Variants in DOCK1 observed in about 807,000 individuals in gnomAD.
DOCK1 encodes dedicator of cytokinesis protein 1.
Under a neutral mutation model 262.7 loss-of-function variants are expected in DOCK1, and 138 were observed. That is an observed-to-expected ratio of 0.53 (90% confidence interval 0.46 to 0.61). The LOEUF is 0.61. DOCK1 is among the 20% of genes least tolerant of loss of function. The pLI is 0.00. For synonymous variants in DOCK1, 866 were observed against 867.4 expected (o/e 1.00, Z 0.03); for missense variants, 1,908 against 2,370.7 (o/e 0.80, Z 4.05).
chr10:127,346,526 G>A (rs2063640837), intron 31 of DOCK1, among the ~76,000 whole-genome samples: 1 of 152,142 alleles, frequency 6.6e-6, no homozygotes, highest in South Asian at 2.1e-4. Flanking sequence ...AGCCCAGGGG[G>A]TCGGGGCTGC....
rs1162618889 is a variant in DOCK1, at chr10:127,415,639, A to G, written c.4515+401A>G. 6.6e-5 allele frequency among the ~76,000 whole-genome samples: 10 copies of G among 152,344 alleles called. No individual in the cohort carries two copies. In the South Asian group the frequency reaches 1.9e-3, roughly 28 times the overall value. ...GGTTTTATTGCCATTTACATGACAA[A>G]CAACTATTAATTAATAGTCCTTGCC... is the stretch of plus-strand genomic sequence containing the variant. On this transcript the variant is annotated intron_variant, in intron 44 of 51. Transcript: ENST00000623213.
chr10:126,917,354 C>T (rs1231329904), intron 1 of DOCK1, among the ~76,000 whole-genome samples: 1 of 152,184 alleles, frequency 6.6e-6, no homozygotes, highest in African/African-American at 2.4e-5. Flanking sequence ...TTTCACAGCT[C>T]AACCAACATA....
In DOCK1 at chr10:127,023,307, G is replaced by A; in HGVS notation, c.1435G>A (p.Asp479Asn). 1 of 1,613,006 alleles carries A rather than the reference G, an allele frequency of 6.2e-7. No individual in the cohort carries two copies. The highest frequency in any genetic ancestry group is 8.5e-7 in the Non-Finnish European group (1 of 1,179,626). Residue 479 changes from aspartate to asparagine, a missense_variant, in exon 14 of 52, where the codon GAT (aspartate) becomes AAT (asparagine). Coordinates refer to ENST00000623213, the MANE Select transcript of DOCK1 (RefSeq NM_001290223.2). ...GGTCACGGTGTCTGTGTACGATGAG[G>A]ATGGGAAACGATTAGAGGTATTTAT... ...VEVTVSVYDE[D>N]GKRLEHVIFP...
intron 27 of DOCK1, among the ~76,000 whole-genome samples, chr10:127,214,705 T>C (rs950375685): frequency 1.3e-5 from 2 of 151,766 alleles, no homozygotes; most frequent in African/African-American, 4.8e-5. Flanking sequence ...CACCCCGGGG[T>C]AGGATTGCCA....
intron 1 of DOCK1, among the ~76,000 whole-genome samples, chr10:126,941,626 G>C (rs1309489779): frequency 1.3e-5 from 2 of 152,032 alleles, no homozygotes; most frequent in Non-Finnish European, 2.9e-5. Context: ...CGTGGTGGCG[G>C]GTGCCTGTAG....
chr10:127,122,839 C>T (rs988394370), intron 25 of DOCK1, among the ~76,000 whole-genome samples: 1 of 152,082 alleles, frequency 6.6e-6, no homozygotes, highest in Admixed American at 6.5e-5. Flanking sequence ...ATCCTCCAGC[C>T]AAAGATGAAC....
intron 2 of DOCK1, among the ~76,000 whole-genome samples, chr10:126,976,361 G>C (rs1052816968): frequency 6.6e-6 from 1 of 152,128 alleles, no homozygotes; most frequent in Non-Finnish European, 1.5e-5. Flanking sequence ...ATCATAACTG[G>C]GTCTTAGCAA....
chr10:127,230,547 A>T (rs929087764), intron 27 of DOCK1, among the ~76,000 whole-genome samples: 3 of 151,990 alleles, frequency 2.0e-5, no homozygotes, highest in African/African-American at 7.3e-5. Context: ...TGTTTTTGGC[A>T]TCTTTGTTGA....
chr10:127,206,422 G>A (rs1589942873), intron 27 of DOCK1, among the ~76,000 whole-genome samples: 1 of 152,106 alleles, frequency 6.6e-6, no homozygotes, highest in East Asian at 1.9e-4. Flanking sequence ...GGGATTAAAG[G>A]CGTGAGCCAC....
At chr10:127,386,225 G>C (rs146286802) in intron 38 of DOCK1, among the ~76,000 whole-genome samples, 2,479 of 152,260 alleles carry the variant, frequency 0.016, 34 homozygotes, top group South Asian at 0.058. Context: ...GAGAAAGTCT[G>C]ACGTTTTCAG....
chr10:127,296,172 C>T (rs1318457279), intron 29 of DOCK1, among the ~76,000 whole-genome samples: 1 of 152,214 alleles, frequency 6.6e-6, no homozygotes, highest in Non-Finnish European at 1.5e-5. Flanking sequence ...CCTCTCTATA[C>T]CTGACTGTGC....
At chr10:127,435,269 C>T (rs924941613) in intron 48 of DOCK1, among the ~76,000 whole-genome samples, 1 of 152,112 alleles carries the variant, frequency 6.6e-6, no homozygotes, top group Non-Finnish European at 1.5e-5. Flanking sequence ...GTTTGTGTGT[C>T]CAATCCCATT....
At chr10:127,427,355 C>T (rs566145882) in intron 47 of DOCK1, among the ~76,000 whole-genome samples, 1 of 152,274 alleles carries the variant, frequency 6.6e-6, no homozygotes, top group South Asian at 2.1e-4. Context: ...GCCGCCTGTC[C>T]ACCAGTCCCT....
At chr10:127,393,608 C>T (rs77538497) in intron 38 of DOCK1, among the ~76,000 whole-genome samples, 265 of 152,144 alleles carry the variant, frequency 1.7e-3, no homozygotes, top group African/African-American at 6.2e-3. Flanking sequence ...AGACGGGAAT[C>T]GGGTGATATT....
intron 27 of DOCK1, among the ~76,000 whole-genome samples, chr10:127,165,349 C>G (rs1480659341): frequency 1.3e-5 from 2 of 152,158 alleles, no homozygotes; most frequent in African/African-American, 4.8e-5. Flanking sequence ...TGTCTCAGAG[C>G]TCTTGTTGCC....
chr10:127,315,844 G>T (rs937231011), intron 29 of DOCK1, among the ~76,000 whole-genome samples: 28 of 152,214 alleles, frequency 1.8e-4, no homozygotes, highest in Admixed American at 1.3e-3. Context: ...GATTACAGGT[G>T]CCTGCCCCCA....
At chr10:127,053,151 T>G (rs2044859094) in intron 22 of DOCK1, among the ~76,000 whole-genome samples, 2 of 152,204 alleles carry the variant, frequency 1.3e-5, no homozygotes, top group African/African-American at 4.8e-5. Flanking sequence ...TCAGGATATC[T>G]TTATATGGCA....
chr10:127,098,836 T>C (rs1255178844), intron 23 of DOCK1, among the ~76,000 whole-genome samples: 3 of 152,152 alleles, frequency 2.0e-5, no homozygotes, highest in Non-Finnish European at 2.9e-5. Flanking sequence ...TGACAAGCTA[T>C]TGAGGCAGGA....
chr10:126,909,316 C>T (rs1030626534), intron 1 of DOCK1, among the ~76,000 whole-genome samples: 4 of 152,160 alleles, frequency 2.6e-5, no homozygotes, highest in African/African-American at 9.7e-5. Context: ...AACAGATTTC[C>T]TCCCCAGGGC....
Sources: gnomAD v4.1 joint callset for allele counts (sites outside exome capture counted in the v4.1 genomes callset) on GRCh38, gnomAD v4.1.1 for gene constraint, MANE v1.5 for transcripts, NCBI Gene and HGNC (gene_info 2026-07-23, HGNC 2026-07-21) for gene names.